C6orf132: variants seen among roughly 807,000 people sequenced by gnomAD.
C6orf132 encodes the protein chromosome 6 open reading frame 132.
Under a neutral mutation model 65.3 loss-of-function variants are expected in C6orf132, and 43 were observed. That is an observed-to-expected ratio of 0.66 (90% CI 0.52 to 0.85). C6orf132 has a LOEUF of 0.85. Ranked by LOEUF, C6orf132 falls within the 40% of genes least tolerant of loss-of-function variation. The probability of loss-of-function intolerance (pLI) is 0.00; values close to 1 mark genes in which losing one functional copy is unlikely to be tolerated. For missense variants in C6orf132, 1,488 were observed against 1,548.8 expected, an observed-to-expected ratio of 0.96 and a Z score of 0.66; for synonymous variants, 631 against 654.1, an observed-to-expected ratio of 0.96 and a Z score of 0.54.
chr6:42,141,784 A>G (rs887056838), intron 1 of C6orf132, among the ~76,000 whole-genome samples: 1 of 152,154 alleles, frequency 6.6e-6, no homozygotes, highest in Non-Finnish European at 1.5e-5. Context: ...GCCAGAGCCA[A>G]GTTTGTGAGC....
Position 42,105,646 on chromosome 6 carries a change from G to A in C6orf132, c.2266C>T (p.Pro756Ser), listed in dbSNP as rs994751066. Residue 756 changes from proline (P) to serine (S), a missense_variant, in exon 4 of 5, where the codon CCA becomes TCA. By Grantham distance (74) the Pro-to-Ser change is moderately conservative. Transcript: ENST00000341865. The part of the protein sequence containing the change: ...QGARSSAAFP[P>S]KTSPGGGEVP... ...TCTCCTCCACCAGGAGATGTCTTTG[G>A]TGGGAAGGCTGCAGATGAGCGGGCT... is the stretch of plus-strand genomic sequence containing the variant. 6.5e-6 allele frequency: 10 copies of A among 1,537,114 alleles called. No individual in the cohort carries two copies. The African/African-American group carries it at 1.4e-4, about 21-fold the overall frequency.
At chr6:42,113,871 A>G (rs1766528779) in intron 2 of C6orf132, among the ~76,000 whole-genome samples, 1 of 152,148 alleles carries the variant, frequency 6.6e-6, no homozygotes, top group Admixed American at 6.6e-5. Context: ...AATAGTTCCT[A>G]CTTTGCAGGG....
intron 1 of C6orf132, among the ~76,000 whole-genome samples, chr6:42,132,299 A>C (rs1402951859): frequency 1.3e-5 from 2 of 151,622 alleles, no homozygotes; most frequent in Non-Finnish European, 2.9e-5. Flanking sequence ...GCGGATCACA[A>C]GGTCAGGAGA....
rs183900995 is a variant in C6orf132, at chr6:42,103,482, G to T, written c.*279C>A. The T allele has an allele frequency of 2.6e-6, 1 of 389,648 alleles. No individual in the cohort carries two copies. Among genetic ancestry groups the T allele is most frequent in the Non-Finnish European group, 4.5e-6 (1 of 221,184 alleles). The allele number at this position is 389,648 out of a possible 1,614,324, so 24.1% of individuals were successfully genotyped here. A position where few individuals can be genotyped will look rare whatever the true frequency, so the allele number is the denominator to read the frequency against. On this transcript the variant is annotated 3_prime_UTR_variant, in exon 5 of 5. Coordinates refer to ENST00000341865, the MANE Select transcript of C6orf132 (RefSeq NM_001164446.3). ...TAGTACCAGAGAGCAGAAACTCAGC[G>T]CCCAGGTCCTTAATGGTTCCTTCTC...
rs922057098 is a variant in C6orf132 at position 42,104,809 on chromosome 6, C to T, written c.3103G>A (p.Gly1035Ser). 3 of 1,481,218 alleles carry T rather than the reference C, an allele frequency of 2.0e-6. No homozygotes were observed. The highest frequency in any genetic ancestry group is 2.6e-5 in the South Asian group (2 of 77,634). The allele number at this position is 1,481,218 out of a possible 1,614,324, so 91.8% of individuals were successfully genotyped here. The change falls in exon 4 of 5, where the codon GGC (glycine) becomes AGC (serine). Residue 1035 changes from glycine (G) to serine (S), a missense_variant. Transcript: ENST00000341865. This position sits in a 1 kb window ranked among gnomAD's most constrained non-coding sequence, Gnocchi z 4.1. ...GCGCCCGCGGGAAAGCGCGAGAAGC[C>T]GAGAGCCGGGGGCGCCCCGGGGCCA... is the stretch of plus-strand genomic sequence containing the variant. ...NAGPGAPPAL[G>S]FSRFPAGARY...
chr6:42,104,510 G>C lies in C6orf132; in HGVS notation c.3402C>G (p.His1134Gln). The C allele has an allele frequency of 4.9e-6, 6 of 1,235,258 alleles. No homozygotes were observed. The highest frequency in any genetic ancestry group is 5.0e-6 in the Non-Finnish European group (5 of 990,592). The allele number at this position is 1,235,258 out of a possible 1,614,324, so 76.5% of individuals were successfully genotyped here. ...GAARGAAEAK[H>Q]KAPGSADYGF... ...CGTAGTCGGCGCTGCCGGGCGCTTT[G>C]TGCTTGGCCTCCGCGGCGCCCCGGG... The change falls in exon 4 of 5, where the codon CAC (histidine) becomes CAG (glutamine). Residue 1134 changes from histidine to glutamine, a missense_variant. His to Gln is a conservative substitution (Grantham distance 24, BLOSUM62 0). Coordinates refer to ENST00000341865, the MANE Select transcript of C6orf132 (RefSeq NM_001164446.3). This position sits in a 1 kb window ranked among gnomAD's most constrained non-coding sequence, Gnocchi z 4.1.
chr6:42,103,264 G>A lies in C6orf132; in HGVS notation c.*497C>T. On this transcript the variant is annotated 3_prime_UTR_variant, in exon 5 of 5. Coordinates refer to ENST00000341865, the MANE Select transcript of C6orf132 (RefSeq NM_001164446.3). ...TTGCTTGGGATGGCAGGTGATGGAG[G>A]CTAAAGATCTCCCTTCGGTGCCCTG... is the stretch of plus-strand genomic sequence containing the variant. 1 of 397,400 alleles carries A rather than the reference G, an allele frequency of 2.5e-6. No homozygotes were observed. The allele number at this position is 397,400 out of a possible 1,614,324, so 24.6% of individuals were successfully genotyped here. A position where few individuals can be genotyped will look rare whatever the true frequency, so the allele number is the denominator to read the frequency against.
rs578210344 is a variant in C6orf132, at chr6:42,141,402, C to A, written c.145+898G>T. ...CCCCAACCTGGGCGTTCCAGAGCCA[C>A]ATGTCATACACAAGAAATGGATTTC... On this transcript the variant is annotated intron_variant, in intron 1 of 4. Coordinates refer to ENST00000341865, the MANE Select transcript of C6orf132 (RefSeq NM_001164446.3). 3.3e-5 allele frequency among the ~76,000 whole-genome samples: 5 copies of A among 152,348 alleles called. No individual in the cohort carries two copies. In the South Asian group the frequency reaches 1.0e-3, roughly 32 times the overall value.
rs1766737312 is a variant in C6orf132, at chr6:42,124,607, G to C, written c.252+4065C>G. ...GGTGGAGGCCTGGCCGGCTGGGACA[G>C]TGTCAGGCAGGGCTAGGCACCGGCC... On this transcript the variant is annotated intron_variant, in intron 2 of 4. Coordinates refer to ENST00000341865, the MANE Select transcript of C6orf132 (RefSeq NM_001164446.3). This position sits in a 1 kb window ranked among gnomAD's most constrained non-coding sequence, Gnocchi z 4.0. 6.6e-6 allele frequency among the ~76,000 whole-genome samples: 1 copy of C among 152,224 alleles called. No homozygotes were observed.
intron 1 of C6orf132, among the ~76,000 whole-genome samples, chr6:42,136,638 C>G (rs1032317282): frequency 6.6e-6 from 1 of 152,176 alleles, no homozygotes; most frequent in Non-Finnish European, 1.5e-5. Flanking sequence ...CGGGGGCGGC[C>G]CCATGTGAAT....
chr6:42,136,021 C>T (rs767637088), intron 1 of C6orf132, among the ~76,000 whole-genome samples: 1 of 152,024 alleles, frequency 6.6e-6, no homozygotes, highest in Non-Finnish European at 1.5e-5. Context: ...GTTGGTAAGG[C>T]CTAATGGGTG....
chr6:42,132,718 G>A (rs946584282), intron 1 of C6orf132, among the ~76,000 whole-genome samples: 1 of 151,178 alleles, frequency 6.6e-6, no homozygotes, highest in African/African-American at 2.4e-5. Flanking sequence ...TGTGGTGGTG[G>A]GCACCTGTAA....
intron 1 of C6orf132, among the ~76,000 whole-genome samples, chr6:42,130,491 G>A (rs569815384): frequency 1.3e-5 from 2 of 152,192 alleles, no homozygotes; most frequent in Non-Finnish European, 2.9e-5. Context: ...TAGACCTGAC[G>A]TGATGTGGCT....
At chr6:42,136,113 A>C (rs1303171685) in intron 1 of C6orf132, among the ~76,000 whole-genome samples, 1 of 150,006 alleles carries the variant, frequency 6.7e-6, no homozygotes, top group African/African-American at 2.5e-5. Context: ...AAAGTATAAT[A>C]ATAATAAAAA....
At chr6:42,130,929 A>T (rs985437335) in intron 1 of C6orf132, among the ~76,000 whole-genome samples, 8 of 152,122 alleles carry the variant, frequency 5.3e-5, no homozygotes, top group Non-Finnish European at 1.0e-4. Flanking sequence ...TCTGTCGCTC[A>T]GGCTGGAGTA....
In C6orf132 at chr6:42,105,457, G is replaced by T. The variant is rs1208437801; in HGVS notation, c.2455C>A (p.Pro819Thr). 6.5e-7 allele frequency: 1 copy of T among 1,534,350 alleles called. No homozygotes were observed. Among genetic ancestry groups the T allele is most frequent in the Non-Finnish European group, 8.7e-7 (1 of 1,145,586 alleles). ...GGGTGCCTGAGGAGTTCATCAGTGG[G>T]CTGGGCCGAGGCAGGAGGCTTGGCT... is the stretch of plus-strand genomic sequence containing the variant. The part of the protein sequence containing the change: ...LPAKPPASAQ[P>T]TDELLRHPVT... The change falls in exon 4 of 5, where the codon CCC becomes ACC. Residue 819 changes from proline to threonine, a missense_variant. Pro to Thr is a conservative substitution (Grantham distance 38). Coordinates refer to ENST00000341865, the MANE Select transcript of C6orf132 (RefSeq NM_001164446.3).
At position 42,106,529 on chromosome 6, in the gene C6orf132, C is replaced by T. The variant is rs1229200947; in HGVS notation, c.1383G>A (p.Trp461Ter). 1 of 1,536,310 alleles carries T rather than the reference C, an allele frequency of 6.5e-7. No homozygotes were observed. The highest frequency in any genetic ancestry group is 8.7e-7 in the Non-Finnish European group (1 of 1,146,844). ...ENTASSAPVD[W>*]RDPSQMEKLR... Reference sequence around the variant, plus strand: ...GCTTTTCCATCTGGCTGGGGTCCCTCCAGTCCACAGGTGCTGAAGACGCTG... The same window carrying T: ...GCTTTTCCATCTGGCTGGGGTCCCTTCAGTCCACAGGTGCTGAAGACGCTG... The change falls in exon 4 of 5, where the codon TGG (tryptophan) becomes TGA (stop). Residue 461 changes from tryptophan (W) to a stop codon, truncating the protein, a stop_gained. Transcript: ENST00000341865. LOFTEE classifies it high-confidence loss of function.
rs952251030 is a variant in C6orf132, at chr6:42,104,983, C to A, written c.2929G>T (p.Glu977Ter). The stretch of plus-strand genomic sequence containing the variant: ...ACCTCGAAGTTGAACTCCTCCTCCT[C>A]CTCCTCCCTCTTGTTCGAAGGAGAA... ...PPSPSNKREE[E>*]EEEFNFEVIP... is the part of the protein sequence containing the mutation. Residue 977 changes from glutamate to a stop codon, truncating the protein, a stop_gained, in exon 4 of 5, where the codon GAG (glutamate) becomes TAG (stop). Coordinates refer to ENST00000341865, the MANE Select transcript of C6orf132 (RefSeq NM_001164446.3). LOFTEE classifies it high-confidence loss of function. This position sits in a 1 kb window ranked among gnomAD's most constrained non-coding sequence, Gnocchi z 4.1. 4.0e-6 allele frequency: 6 copies of A among 1,511,366 alleles called. No individual in the cohort carries two copies. The highest frequency in any genetic ancestry group is 5.3e-6 in the Non-Finnish European group (6 of 1,134,248). 93.6% of individuals were successfully genotyped at this position (1,511,366 alleles called of 1,614,324 possible).
intron 2 of C6orf132, among the ~76,000 whole-genome samples, chr6:42,123,315 G>A (rs1274496066): frequency 1.3e-5 from 2 of 151,800 alleles, no homozygotes; most frequent in African/African-American, 4.8e-5. Flanking sequence ...CCCAGGAGGC[G>A]GAGCCTGCAG....
Sources: gnomAD v4.1 joint callset for allele counts (sites outside exome capture counted in the v4.1 genomes callset) on GRCh38, gnomAD v4.1.1 for gene constraint, Gnocchi (gnomAD v3.1) non-coding constraint, MANE v1.5 for transcripts, NCBI Gene and HGNC (gene_info 2026-07-23, HGNC 2026-07-21) for gene names.